Variants in LEPR observed in about 807,000 individuals in gnomAD.
The protein encoded by LEPR is OB receptor.
In LEPR, 56 loss-of-function variants were observed where a neutral mutation model predicts 114.7. That is an observed-to-expected ratio of 0.49 (90% CI 0.39 to 0.61). LEPR has a LOEUF of 0.61. LEPR is among the 20% of genes least tolerant of loss of function. The pLI is 0.00. For synonymous variants in LEPR, 443 were observed against 461.4 expected, an observed-to-expected ratio of 0.96 and a Z score of 0.51; for missense variants, 1,202 against 1,352.9, an observed-to-expected ratio of 0.89 and a Z score of 1.75.
At chr1:65,602,074 T>A in intron 10 of LEPR, 114 bp downstream of exon 10, 1 of 948,892 alleles carries the variant, frequency 1.1e-6, no homozygotes, top group Non-Finnish European at 1.7e-6. Flanking sequence ...AAGAGGAAAG[T>A]ATAATATAAT....
intron 2 of LEPR, among the ~76,000 whole-genome samples, chr1:65,514,475 C>T (rs891043937): frequency 2.0e-5 from 3 of 152,152 alleles, no homozygotes; most frequent in Non-Finnish European, 4.4e-5. Flanking sequence ...TTTTAGTAAA[C>T]CTATGATTGT....
At chr1:65,603,906 A>C (rs1264720233) in intron 10 of LEPR, among the ~76,000 whole-genome samples, 2 of 152,078 alleles carry the variant, frequency 1.3e-5, no homozygotes, top group Non-Finnish European at 2.9e-5. Context: ...ACATGGTTAT[A>C]TAATTCACAT....
chr1:65,522,663 TA>T (rs1427768079), intron 2 of LEPR, among the ~76,000 whole-genome samples: 1 of 152,192 alleles, frequency 6.6e-6, no homozygotes, highest in Non-Finnish European at 1.5e-5. Context: ...AACTAACAAC[TA>T]AAATACTTGG....
intron 4 of LEPR, among the ~76,000 whole-genome samples, chr1:65,571,845 CT>C (rs1654198236): frequency 6.9e-6 from 1 of 145,512 alleles, no homozygotes; most frequent in African/African-American, 2.5e-5. Flanking sequence ...TGGTGCATGC[CT>C]CTAGTCCCAT....
At chr1:65,547,441 C>G (rs1043487840) in intron 2 of LEPR, among the ~76,000 whole-genome samples, 3 of 151,236 alleles carry the variant, frequency 2.0e-5, no homozygotes, top group Admixed American at 6.6e-5. Context: ...TGGTCCTGGA[C>G]TCTTTTTGGT....
chr1:65,539,758 G>C (rs1235066178), intron 2 of LEPR, among the ~76,000 whole-genome samples: 1 of 152,148 alleles, frequency 6.6e-6, no homozygotes, highest in Non-Finnish European at 1.5e-5. Flanking sequence ...AGAGGCATTT[G>C]TGCCAGATTT....
chr1:65,620,141 C>T, intron 17 of LEPR, 118 bp downstream of exon 17: 2 of 808,192 alleles, frequency 2.5e-6, no homozygotes, highest in Non-Finnish European at 4.0e-6. Context: ...CCAAAGTCTT[C>T]TGTAGATTTT....
At chr1:65,604,561 C>T (rs2100946231) in intron 10 of LEPR, among the ~76,000 whole-genome samples, 1 of 152,270 alleles carries the variant, frequency 6.6e-6, no homozygotes, top group East Asian at 1.9e-4. Context: ...AAGTGATCAG[C>T]CCGCCTCAGC....
intron 2 of LEPR, among the ~76,000 whole-genome samples, chr1:65,449,824 G>GT (rs1363303159): frequency 6.9e-6 from 1 of 145,582 alleles, no homozygotes; most frequent in African/African-American, 2.5e-5. Flanking sequence ...CTTTTTTCTA[G>GT]TTTTTTAAGG....
At chr1:65,623,014 T>G (rs747492828) in intron 19 of LEPR, 33 bp downstream of exon 19, 1 of 1,601,992 alleles carries the variant, frequency 6.2e-7, no homozygotes, top group Non-Finnish European at 8.5e-7. Flanking sequence ...ACCCAGAATA[T>G]ATACGATTGC....
At chr1:65,477,370 G>A (rs1317109867) in intron 2 of LEPR, among the ~76,000 whole-genome samples, 6 of 152,152 alleles carry the variant, frequency 3.9e-5, no homozygotes, top group African/African-American at 7.2e-5. Flanking sequence ...ATCTACAGTC[G>A]TTAACAGAGT....
intron 2 of LEPR, among the ~76,000 whole-genome samples, chr1:65,519,033 TTTTC>T (rs1490741213): frequency 6.6e-6 from 1 of 150,436 alleles, no homozygotes; most frequent in African/African-American, 2.4e-5. Context: ...CTCTTTCTTC[TTTTC>T]TTTTCTTTCT....
chr1:65,469,208 G>A (rs1322677286), intron 2 of LEPR, among the ~76,000 whole-genome samples: 1 of 152,164 alleles, frequency 6.6e-6, no homozygotes, highest in Non-Finnish European at 1.5e-5. Flanking sequence ...GATGAGGCAG[G>A]GCTGTGTCTG....
intron 2 of LEPR, among the ~76,000 whole-genome samples, chr1:65,542,016 T>G (rs1283200259): frequency 2.6e-5 from 4 of 152,176 alleles, no homozygotes; most frequent in African/African-American, 9.6e-5. Context: ...AATTAAACAG[T>G]CTGATCTTCC....
At chr1:65,483,142 A>C (rs1041367042) in intron 2 of LEPR, among the ~76,000 whole-genome samples, 16 of 152,138 alleles carry the variant, frequency 1.1e-4, no homozygotes, top group African/African-American at 3.6e-4. Context: ...ACCTCTGTTC[A>C]TCAGGAGACA....
chr1:65,529,581 T>C (rs1180531511), intron 2 of LEPR, among the ~76,000 whole-genome samples: 1 of 149,774 alleles, frequency 6.7e-6, no homozygotes, highest in Non-Finnish European at 1.5e-5. Flanking sequence ...GGGAGGATTG[T>C]CTCTATTCCC....
At chr1:65,548,075 C>G (rs541021305) in intron 2 of LEPR, among the ~76,000 whole-genome samples, 2 of 152,130 alleles carry the variant, frequency 1.3e-5, no homozygotes, top group Non-Finnish European at 2.9e-5. Context: ...ACCCAGTAGT[C>G]ATTCAGGAGC....
At chr1:65,425,247 T>C in intron 1 of LEPR, 56 bp from the exon 2 acceptor site, 1 of 1,490,918 alleles carries the variant, frequency 6.7e-7, no homozygotes, top group African/African-American at 1.4e-5. Context: ...CCAAACCCTC[T>C]AGTGCCTGAC....
At chr1:65,595,403 G>T (rs1655998652) in intron 6 of LEPR, among the ~76,000 whole-genome samples, 1 of 152,042 alleles carries the variant, frequency 6.6e-6, no homozygotes, top group Non-Finnish European at 1.5e-5. Context: ...GATAGGAAAT[G>T]TACAATAGCT....
Sources: gnomAD v4.1 joint callset for allele counts (sites outside exome capture counted in the v4.1 genomes callset) on GRCh38, gnomAD v4.1.1 for gene constraint, MANE v1.5 for transcripts, NCBI Gene and HGNC (gene_info 2026-07-23, HGNC 2026-07-21) for gene names.